TRIM14: variants seen among roughly 807,000 people sequenced by gnomAD.
TRIM14 encodes the protein tripartite motif-containing protein 14.
In TRIM14, 28 loss-of-function variants were observed where a neutral mutation model predicts 44.5. That is an observed-to-expected ratio of 0.63 (90% CI 0.47 to 0.86). The LOEUF (loss-of-function observed/expected upper bound fraction) is 0.86. Ranked by LOEUF, TRIM14 falls within the 40% of genes least tolerant of loss-of-function variation. TRIM14 has a pLI of 0.00. For missense variants in TRIM14, 607 were observed against 611.1 expected (o/e 0.99, Z 0.07); for synonymous variants, 299 against 269.2 (o/e 1.11, Z -1.08).
chr9:98,082,700 T>C (rs1332273283), downstream of TRIM14: 6 of 647,772 alleles, frequency 9.3e-6, no homozygotes, highest in African/African-American at 3.7e-5. Context: ...ATGTATGAGA[T>C]ATTCTGAGCA....
the TRIM14 span, among the ~76,000 whole-genome samples, chr9:98,049,237 G>C: frequency 6.6e-6 from 1 of 150,432 alleles, no homozygotes; most frequent in South Asian, 2.1e-4. Flanking sequence ...AGCTACTCAG[G>C]AGGCTGAGGC....
At chr9:98,080,146 A>G (rs1317455927), downstream of TRIM14, among the ~76,000 whole-genome samples, 1 of 152,230 alleles carries the variant, frequency 6.6e-6, no homozygotes, top group Non-Finnish European at 1.5e-5. Flanking sequence ...CCCAGGAGGC[A>G]GAGGTTGCAG....
the TRIM14 span, among the ~76,000 whole-genome samples, chr9:98,052,270 C>T: frequency 2.0e-5 from 3 of 151,712 alleles, no homozygotes; most frequent in East Asian, 3.9e-4. Flanking sequence ...TAGTAATTAT[C>T]TTAGGTTCTC....
downstream of TRIM14, chr9:98,081,282 A>C (rs1829849144): frequency 1.5e-6 from 1 of 674,916 alleles, no homozygotes; most frequent in African/African-American, 1.8e-5. Context: ...AGCAGGAGAC[A>C]CATGTTATCT....
In TRIM14 at chr9:98,087,963, C is replaced by T. The variant is rs1825853989; in HGVS notation, c.836G>A (p.Arg279His). The stretch of plus-strand genomic sequence containing the variant: ...CAGGCGATCGGCGGACAGGCGCAGG[C>T]GCGCGTGCATCGTGTCAGGATCCAG... ...PTLDPDTMHA[R>H]LRLSADRLTV... The change falls in exon 6 of 6, where the codon CGC becomes CAC. Residue 279 changes from arginine to histidine, a missense_variant. Arg to His is a conservative substitution (Grantham distance 29, BLOSUM62 0). Coordinates refer to ENST00000341469, the MANE Select transcript of TRIM14 (RefSeq NM_014788.4). 2 of 1,563,552 alleles carry T rather than the reference C, an allele frequency of 1.3e-6. No homozygotes were observed. The highest frequency in any genetic ancestry group is 2.4e-5 in the East Asian group (1 of 40,946).
chr9:98,095,550 G>T lies in TRIM14; in HGVS notation c.538-521C>A, dbSNP rs780008754. ...AAGGTTCAGCTGCAGTGCTGACTGA[G>T]GGGGTGTGGCCACCGCAGGGGACAT... On this transcript the variant is annotated intron_variant, in intron 3 of 5. Coordinates refer to ENST00000341469, the MANE Select transcript of TRIM14 (RefSeq NM_014788.4). This position sits in a 1 kb window ranked among gnomAD's most constrained non-coding sequence, Gnocchi z 4.1. Among the ~76,000 whole-genome samples the T allele has an allele frequency of 2.0e-5, 3 of 152,232 alleles. No homozygotes were observed. Among genetic ancestry groups the T allele is most frequent in the Non-Finnish European group, 4.4e-5 (3 of 68,044 alleles).
At position 98,108,711 on chromosome 9, in the gene TRIM14, C is replaced by T. The variant is rs1031091547; in HGVS notation, c.303+1178G>A. On this transcript the variant is annotated intron_variant, in intron 2 of 5. Coordinates refer to ENST00000341469, the MANE Select transcript of TRIM14 (RefSeq NM_014788.4). ...TGGGACCACAGGTGTGAACTACAAA[C>T]GTCTTCAGGGTACTGGCAAACTGTC... Among the ~76,000 whole-genome samples the T allele has an allele frequency of 3.5e-4, 53 of 151,768 alleles. 1 individual carries two copies. The highest frequency in any genetic ancestry group is 3.4e-3 in the Admixed American group (51 of 15,208).
chr9:98,054,924 G>A, the TRIM14 span, among the ~76,000 whole-genome samples: 67 of 152,348 alleles, frequency 4.4e-4, no homozygotes, highest in African/African-American at 1.6e-3. Context: ...AATAGAGAGA[G>A]TAATTCATGC....
the TRIM14 span, among the ~76,000 whole-genome samples, chr9:98,048,344 G>A: frequency 0.035 from 5,369 of 152,192 alleles, 133 homozygotes; most frequent in Non-Finnish European, 0.051. Context: ...TCCTCACCCT[G>A]TTCTACAAAG....
chr9:98,061,777 TC>T, the TRIM14 span, among the ~76,000 whole-genome samples: 27 of 144,314 alleles, frequency 1.9e-4, no homozygotes, highest in Non-Finnish European at 3.6e-4. Context: ...AGATTCCGTC[TC>T]AAAAAAAAAA....
chr9:98,042,292 G>GA, the TRIM14 span, among the ~76,000 whole-genome samples: 1,588 of 136,588 alleles, frequency 0.012, 69 homozygotes, highest in African/African-American at 0.036. Flanking sequence ...GACTCTGTCT[G>GA]GAAAAAAAAA....
chr9:98,089,822 G>A (rs1013445548), intron 5 of TRIM14, among the ~76,000 whole-genome samples: 2 of 152,118 alleles, frequency 1.3e-5, no homozygotes, highest in Non-Finnish European at 2.9e-5. Context: ...CCATTTAAAA[G>A]CCTCTGCTTT....
chr9:98,072,880 C>T (rs1368969259), intron 6 of TRIM14, among the ~76,000 whole-genome samples: 1 of 152,122 alleles, frequency 6.6e-6, no homozygotes, highest in Non-Finnish European at 1.5e-5. Context: ...ATATTTTCTC[C>T]ACACTGTATG....
intron 2 of TRIM14, among the ~76,000 whole-genome samples, chr9:98,109,223 G>A (rs1177925428): frequency 2.0e-5 from 3 of 151,952 alleles, no homozygotes; most frequent in Non-Finnish European, 4.4e-5. Context: ...TCACTGCGAG[G>A]AGGGAGCAAC....
chr9:98,073,235 CCT>C (rs1281224703), intron 6 of TRIM14, among the ~76,000 whole-genome samples: 1 of 149,668 alleles, frequency 6.7e-6, no homozygotes, highest in Non-Finnish European at 1.5e-5. Flanking sequence ...ACACCCTTCC[CCT>C]GACTCCCTGT....
At chr9:98,048,720 G>A in the TRIM14 span, among the ~76,000 whole-genome samples, 2 of 152,042 alleles carry the variant, frequency 1.3e-5, no homozygotes, top group South Asian at 4.1e-4. Context: ...TTTGAAAATC[G>A]TTCAACTTGA....
the TRIM14 span, among the ~76,000 whole-genome samples, chr9:98,058,704 T>C: frequency 6.6e-6 from 1 of 152,192 alleles, no homozygotes; most frequent in Non-Finnish European, 1.5e-5. Context: ...GGAAGGCAGA[T>C]TGCTTGAGCT....
At chr9:98,056,696 T>G in the TRIM14 span, 8 of 1,435,628 alleles carry the variant, frequency 5.6e-6, no homozygotes, top group South Asian at 6.8e-5. Context: ...CGGGCTGACG[T>G]GGCGGGGCTG....
At chr9:98,100,275 A>T (rs1826342343) in intron 2 of TRIM14, 111 bp from the exon 3 acceptor site, 2 of 917,420 alleles carry the variant, frequency 2.2e-6, no homozygotes, top group Middle Eastern at 2.2e-4. Flanking sequence ...TAAAGTGGCC[A>T]GTCAGACACA....
Sources: gnomAD v4.1 joint callset for allele counts (sites outside exome capture counted in the v4.1 genomes callset) on GRCh38, gnomAD v4.1.1 for gene constraint, Gnocchi (gnomAD v3.1) non-coding constraint, MANE v1.5 for transcripts, NCBI Gene and HGNC (gene_info 2026-07-23, HGNC 2026-07-21) for gene names.